Variants in NUP210L observed in about 807,000 individuals in gnomAD.
NUP210L encodes nuclear pore membrane glycoprotein 210-like.
A neutral mutation model predicts 208.5 loss-of-function variants in NUP210L; 74 were observed. That is an observed-to-expected ratio of 0.35 (90% confidence interval 0.29 to 0.43). The LOEUF (loss-of-function observed/expected upper bound fraction) is 0.43, where lower values mean the gene tolerates loss of function less well. Ranked by LOEUF, NUP210L falls within the 20% of genes least tolerant of loss-of-function variation. The pLI, the probability that NUP210L is intolerant of heterozygous loss-of-function variation, is 1.00. For synonymous variants in NUP210L, 780 were observed against 816.9 expected (o/e 0.95, Z 0.77); for missense variants, 1,843 against 2,289.4 (o/e 0.81, Z 3.98).
intron 23 of NUP210L, among the ~76,000 whole-genome samples, chr1:154,055,137 T>C (rs1349542786): frequency 2.9e-4 from 27 of 93,172 alleles, no homozygotes; most frequent in Non-Finnish European, 4.2e-4. Context: ...CTTTCTTTCT[T>C]TCTTTCTTTC....
At chr1:154,129,377 C>T (rs370692363) in intron 7 of NUP210L, 32 bp from the exon 8 acceptor site, 203 of 1,410,650 alleles carry the variant, frequency 1.4e-4, no homozygotes, top group Non-Finnish European at 1.0e-4. Flanking sequence ...TCATGTGAGC[C>T]AGAGTTGGGT....
intron 21 of NUP210L, 110 bp downstream of exon 21, chr1:154,058,455 C>A: frequency 1.6e-6 from 2 of 1,282,794 alleles, no homozygotes; most frequent in Non-Finnish European, 2.2e-6. Flanking sequence ...TTAACATTAC[C>A]AGAAGTCCTG....
chr1:154,055,204 T>C (rs1653797105), intron 23 of NUP210L, among the ~76,000 whole-genome samples: 1 of 150,608 alleles, frequency 6.6e-6, no homozygotes, highest in Admixed American at 6.7e-5. Flanking sequence ...TTTCTTTCTT[T>C]CTCTCTCTCC....
At chr1:154,153,871 C>T (rs1013361987) in intron 1 of NUP210L, among the ~76,000 whole-genome samples, 1 of 152,186 alleles carries the variant, frequency 6.6e-6, no homozygotes, top group African/African-American at 2.4e-5. Flanking sequence ...TTTCCTTATA[C>T]TTCCTCATAA....
chr1:154,025,696 C>T lies in NUP210L; in HGVS notation c.3968G>A (p.Ser1323Asn), dbSNP rs745985906. 8.7e-6 allele frequency: 14 copies of T among 1,613,040 alleles called. No homozygotes were observed. The highest frequency in any genetic ancestry group is 1.0e-5 in the Non-Finnish European group (12 of 1,179,372). The change falls in exon 30 of 40, where the codon AGT (serine) becomes AAT (asparagine). Residue 1323 changes from serine (S) to asparagine (N), a missense_variant. Coordinates refer to ENST00000368559, the Ensembl canonical transcript of NUP210L. ...AGGGAAACACTTGAGAACACGAGAACTCACGAAGGCAGCTCCTTCCCTAGG... is the reference window on the plus strand; with the variant it reads ...AGGGAAACACTTGAGAACACGAGAATTCACGAAGGCAGCTCCTTCCCTAGG...
At chr1:154,012,421 CTCCT>C (rs1650979571) in intron 33 of NUP210L, 51 bp from the exon 34 acceptor site, 8 of 1,583,414 alleles carry the variant, frequency 5.1e-6, no homozygotes, top group African/African-American at 1.3e-5. Flanking sequence ...GAGAATCTGA[CTCCT>C]TCCAGATCCA....
At chr1:154,093,966 C>G (rs1263697074) in intron 15 of NUP210L, among the ~76,000 whole-genome samples, 2 of 152,088 alleles carry the variant, frequency 1.3e-5, no homozygotes, top group South Asian at 4.1e-4. Context: ...GTCTGGCCAA[C>G]ACAGTGAAAC....
chr1:154,064,649 G>A (rs1406144558), intron 17 of NUP210L, among the ~76,000 whole-genome samples: 3 of 152,148 alleles, frequency 2.0e-5, no homozygotes, highest in Non-Finnish European at 4.4e-5. Context: ...ATAAGTATAT[G>A]AGGGAAAAGC....
chr1:154,043,025 T>C (rs1187779962), intron 27 of NUP210L, among the ~76,000 whole-genome samples: 1 of 147,152 alleles, frequency 6.8e-6, no homozygotes, highest in Non-Finnish European at 1.5e-5. Flanking sequence ...TAAGACCTTT[T>C]TTTTTTTTTT....
intron 5 of NUP210L, among the ~76,000 whole-genome samples, chr1:154,138,652 G>A (rs1453917939): frequency 6.6e-6 from 1 of 152,106 alleles, no homozygotes; most frequent in African/African-American, 2.4e-5. Context: ...CCCAATGCAA[G>A]GTTGGTAGGC....
rs984261255 is a variant in NUP210L, at chr1:154,060,835, A to G, written c.2748+107T>C. On this transcript the variant is annotated intron_variant, in intron 19 of 39. Coordinates refer to ENST00000368559, the Ensembl canonical transcript of NUP210L. ...TTATATATGTGTTTTACATATATGT[A>G]TCAATTATTTTCAACACATAAGTAA... 1.4e-5 allele frequency: 11 copies of G among 808,440 alleles called. No homozygotes were observed. The African/African-American group carries it at 1.4e-4, about 10-fold the overall frequency. 50.1% of individuals were successfully genotyped at this position (808,440 alleles called of 1,614,324 possible).
At chr1:154,104,049 G>A in exon 13 of NUP210L, 1 of 1,614,020 alleles carries the variant, frequency 6.2e-7, no homozygotes, top group Non-Finnish European at 8.5e-7. Context: ...GTTTATCCAT[G>A]TTCAGATCCA....
At chr1:154,131,916 T>G (rs1485108341) in intron 7 of NUP210L, among the ~76,000 whole-genome samples, 1 of 152,186 alleles carries the variant, frequency 6.6e-6, no homozygotes, top group African/African-American at 2.4e-5. Flanking sequence ...GCGATTCTCC[T>G]GCCTCAGGAG....
chr1:154,150,288 C>T (rs1007346534), intron 2 of NUP210L, among the ~76,000 whole-genome samples: 31 of 151,610 alleles, frequency 2.0e-4, no homozygotes, highest in Non-Finnish European at 7.4e-5. Context: ...GCAGGATAAT[C>T]GCTTGAACCC....
chr1:154,010,141 T>C lies in NUP210L; in HGVS notation c.4781-20A>G. 6.3e-7 allele frequency: 1 copy of C among 1,599,030 alleles called. No individual in the cohort carries two copies. The highest frequency in any genetic ancestry group is 8.5e-7 in the Non-Finnish European group (1 of 1,174,400). Reference sequence around the variant, plus strand: ...AGAATCCTGAAAAGCAGAAAAGAGGTAAATAGCTTTGTCACTAACAAGAAT... The same window carrying C: ...AGAATCCTGAAAAGCAGAAAAGAGGCAAATAGCTTTGTCACTAACAAGAAT... On this transcript the variant is annotated intron_variant, in intron 34 of 39. Transcript: ENST00000368559.
intron 27 of NUP210L, among the ~76,000 whole-genome samples, chr1:154,039,058 T>G (rs1652715372): frequency 6.6e-6 from 1 of 152,122 alleles, no homozygotes; most frequent in Admixed American, 6.6e-5. Context: ...AATTACAGCG[T>G]TATAATATTC....
chr1:154,057,416 G>T (rs762831693), intron 22 of NUP210L, among the ~76,000 whole-genome samples: 7 of 152,066 alleles, frequency 4.6e-5, no homozygotes, highest in African/African-American at 9.7e-5. Context: ...ACGGTGGAAG[G>T]CTCCTGAGAG....
chr1:154,124,769 T>G (rs116712410), intron 10 of NUP210L, among the ~76,000 whole-genome samples: 3,973 of 149,990 alleles, frequency 0.026, 169 homozygotes, highest in African/African-American at 0.09. Context: ...GTGGGCAACA[T>G]AGCAAGAACC....
chr1:154,119,807 G>C (rs1389885448), intron 10 of NUP210L, among the ~76,000 whole-genome samples: 2 of 152,048 alleles, frequency 1.3e-5, no homozygotes, highest in Non-Finnish European at 2.9e-5. Flanking sequence ...TGGACATTTG[G>C]GTTGGTTCCA....
Sources: allele counts gnomAD v4.1 joint callset (sites outside exome capture counted in the v4.1 genomes callset), GRCh38; gene constraint gnomAD v4.1.1; transcripts MANE v1.5; gene names NCBI Gene and HGNC (gene_info 2026-07-23, HGNC 2026-07-21).